The following DMD variants were observed in gnomAD, a reference collection of about 807,000 sequenced individuals.
DMD encodes the protein mutant dystrophin.
A neutral mutation model predicts 330.1 loss-of-function variants in DMD; 63 were observed. That is an observed-to-expected ratio of 0.19 (90% CI 0.16 to 0.24). The LOEUF is 0.24. Ranked by LOEUF, DMD falls within the 10% of genes least tolerant of loss-of-function variation. The pLI, the probability that DMD is intolerant of heterozygous loss-of-function variation, is 1.00. For synonymous variants in DMD, 1,223 were observed against 959.8 expected (o/e 1.27, Z -5.07); for missense variants, 3,344 against 2,684.1 (o/e 1.25, Z -5.43).
At chrX:31,941,264 G>GT (rs1239203784) in intron 45 of DMD, among the ~76,000 whole-genome samples, 2 of 111,623 alleles carry the variant, frequency 1.8e-5, no homozygotes, top group African/African-American at 3.3e-5. Context: ...ACTTCAAACC[G>GT]TTTTTTCTGA....
intron 59 of DMD, among the ~76,000 whole-genome samples, chrX:31,444,951 A>G (rs1169375373): frequency 9.0e-6 from 1 of 111,256 alleles, no homozygotes; most frequent in Non-Finnish European, 1.9e-5. Flanking sequence ...GGTGCTTTGT[A>G]TGAGGAATGG....
At chrX:32,126,713 G>A (rs1044459586) in intron 44 of DMD, among the ~76,000 whole-genome samples, 5 of 111,816 alleles carry the variant, frequency 4.5e-5, no homozygotes, top group Non-Finnish European at 5.6e-5. Flanking sequence ...CTATCAGCTA[G>A]AAATGTCTAT....
At chrX:31,571,254 GGTGTGTGTGTGTGTGTGTGTGT>G (rs371098859) in intron 55 of DMD, among the ~76,000 whole-genome samples, 2 of 90,445 alleles carry the variant, frequency 2.2e-5, no homozygotes, top group Non-Finnish European at 4.3e-5. Context: ...GATTTAAAGG[GGTGTGTGTGTGTGTGTGTGTGT>G]GTGTGTGTGT....
chrX:32,058,927 T>C (rs1034826375), intron 44 of DMD, among the ~76,000 whole-genome samples: 1 of 111,636 alleles, frequency 9.0e-6, no homozygotes, highest in Non-Finnish European at 1.9e-5. Flanking sequence ...AAAGGAAATC[T>C]TACCATATGC....
intron 17 of DMD, among the ~76,000 whole-genome samples, chrX:32,537,862 C>T (rs761629831): frequency 8.9e-6 from 1 of 112,258 alleles, no homozygotes; most frequent in South Asian, 3.7e-4. Flanking sequence ...TTCTTTTACG[C>T]CTTGCATTCT....
At chrX:32,522,186 A>G (rs920219891) in intron 17 of DMD, among the ~76,000 whole-genome samples, 7 of 111,922 alleles carry the variant, frequency 6.3e-5, no homozygotes, top group Admixed American at 5.7e-4. Context: ...TGTCACACAT[A>G]CATTCTCTGT....
intron 2 of DMD, among the ~76,000 whole-genome samples, chrX:32,873,772 G>C (rs1285913263): frequency 8.9e-6 from 1 of 112,071 alleles, no homozygotes; most frequent in Non-Finnish European, 1.9e-5. Flanking sequence ...ATCAAGTAAT[G>C]ACATGTTATG....
Position 32,681,365 on chromosome X carries a change from T to C in DMD, c.960+16505A>G, listed in dbSNP as rs139029930. 3.3e-4 allele frequency among the ~76,000 whole-genome samples: 37 copies of C among 111,479 alleles called. No individual in the cohort carries two copies. The East Asian group carries it at 8.5e-3, about 26-fold the overall frequency. ...ATATTTGTACGATCTCTCCAATCACTGAAATTAGTTTGGAAAAATCAAACA... is the reference window on the plus strand; with the variant it reads ...ATATTTGTACGATCTCTCCAATCACCGAAATTAGTTTGGAAAAATCAAACA... On this transcript the variant is annotated intron_variant, in intron 9 of 78. Coordinates refer to ENST00000357033, the MANE Select transcript of DMD (RefSeq NM_004006.3).
rs141334355 is a variant in DMD at position 32,914,449 on chromosome X, G to C, written c.94-64629C>G. On this transcript the variant is annotated intron_variant, in intron 2 of 78. Transcript: ENST00000357033. ...GGCTCATAGTAACAAGCAACAGTTT[G>C]CTTTGGCTAAAGTTTATTACTAGGT... Among the ~76,000 whole-genome samples, 20 of 112,470 alleles carry C rather than the reference G, an allele frequency of 1.8e-4. No individual in the cohort carries two copies. In the East Asian group the frequency reaches 4.2e-3, roughly 24 times the overall value.
intron 4 of DMD, among the ~76,000 whole-genome samples, chrX:32,834,978 G>A (rs181488461): frequency 9.0e-6 from 1 of 111,000 alleles, no homozygotes; most frequent in Non-Finnish European, 1.9e-5. Flanking sequence ...GGAGCGGGGG[G>A]TAGTTTAAAG....
chrX:31,593,992 T>A (rs2076998273), intron 55 of DMD, among the ~76,000 whole-genome samples: 1 of 111,636 alleles, frequency 9.0e-6, no homozygotes, highest in African/African-American at 3.2e-5. Flanking sequence ...AACGATTTTT[T>A]AATTTCTAAA....
At chrX:31,668,361 T>C (rs2081548608) in intron 53 of DMD, among the ~76,000 whole-genome samples, 3 of 111,215 alleles carry the variant, frequency 2.7e-5, no homozygotes, top group Admixed American at 9.6e-5. Flanking sequence ...CTACATTTTC[T>C]TAGAAGAGTT....
At chrX:32,759,859 GCGGGGGAA>G (rs2072022966) in intron 7 of DMD, among the ~76,000 whole-genome samples, 2 of 11,854 alleles carry the variant, frequency 1.7e-4, no homozygotes, top group African/African-American at 1.9e-3. Flanking sequence ...GGGGGGGGGG[GCGGGGGAA>G]GACCCAGGCA....
intron 67 of DMD, among the ~76,000 whole-genome samples, chrX:31,198,977 C>A (rs1042051696): frequency 8.9e-6 from 1 of 111,991 alleles, no homozygotes; most frequent in African/African-American, 3.3e-5. Context: ...CACATTGACA[C>A]ATTAACACTC....
chrX:32,602,103 T>C (rs775827629), intron 12 of DMD, among the ~76,000 whole-genome samples: 31 of 112,142 alleles, frequency 2.8e-4, no homozygotes, highest in Non-Finnish European at 5.5e-4. Context: ...TGGAGAAATA[T>C]ACAGTAAGTG....
chrX:32,123,586 C>T (rs1245531528), intron 44 of DMD, among the ~76,000 whole-genome samples: 2 of 111,147 alleles, frequency 1.8e-5, no homozygotes, highest in African/African-American at 3.3e-5. Flanking sequence ...CTGAAATCCT[C>T]GAAGTAAAAT....
intron 43 of DMD, among the ~76,000 whole-genome samples, chrX:32,285,778 C>G (rs1347956544): frequency 9.0e-6 from 1 of 111,286 alleles, no homozygotes; most frequent in Non-Finnish European, 1.9e-5. Context: ...GGGCTCACTG[C>G]AGCCTCTGCC....
At chrX:32,711,522 T>C in intron 7 of DMD, among the ~76,000 whole-genome samples, 1 of 111,953 alleles carries the variant, frequency 8.9e-6, no homozygotes, top group East Asian at 2.8e-4. Flanking sequence ...TTGACGGTTT[T>C]GGCCCCAAGA....
intron 2 of DMD, among the ~76,000 whole-genome samples, chrX:32,934,471 G>A (rs916961285): frequency 1.8e-5 from 2 of 110,181 alleles, no homozygotes; most frequent in Non-Finnish European, 3.8e-5. Context: ...TTGAACCTAG[G>A]GGTTCAAGCC....
Sources: allele counts gnomAD v4.1 joint callset (sites outside exome capture counted in the v4.1 genomes callset), GRCh38; gene constraint gnomAD v4.1.1; transcripts MANE v1.5; gene names NCBI Gene and HGNC (gene_info 2026-07-23, HGNC 2026-07-21).